Variants in SYT11 observed in about 807,000 individuals in gnomAD.
SYT11 encodes synaptotagmin-11.
In SYT11, 12 loss-of-function variants were observed where a neutral mutation model predicts 30.4. That is an observed-to-expected ratio of 0.39 (90% CI 0.25 to 0.64). The LOEUF (loss-of-function observed/expected upper bound fraction) is 0.64. SYT11 is among the 30% of genes least tolerant of loss of function. The pLI is 0.45. For missense variants in SYT11, 412 were observed against 552.0 expected (o/e 0.75, Z 2.54); for synonymous variants, 204 against 216.0 (o/e 0.94, Z 0.49).
chr1:155,863,755 T>C (rs1357776036), intron 1 of SYT11, among the ~76,000 whole-genome samples: 1 of 152,062 alleles, frequency 6.6e-6, no homozygotes, highest in Non-Finnish European at 1.5e-5. Flanking sequence ...ACCCCGTCTC[T>C]ACTAAAAATA....
At chr1:155,867,116 G>A (rs1398489380) in intron 1 of SYT11, among the ~76,000 whole-genome samples, 1 of 150,756 alleles carries the variant, frequency 6.6e-6, no homozygotes, top group Non-Finnish European at 1.5e-5. Flanking sequence ...GGAATGCAGT[G>A]GCACGATCTC....
chr1:155,866,022 C>T (rs764598145), intron 1 of SYT11, among the ~76,000 whole-genome samples: 35 of 150,674 alleles, frequency 2.3e-4, no homozygotes, highest in Non-Finnish European at 3.5e-4. Context: ...CTTGAGGGAG[C>T]GAAGAAACTT....
intron 1 of SYT11, 90 bp downstream of exon 1, chr1:155,859,885 G>C (rs1672522475): frequency 4.7e-6 from 6 of 1,270,526 alleles, no homozygotes; most frequent in Admixed American, 1.7e-5. Flanking sequence ...ATGCAGCCCA[G>C]ACCAGAGCCT....
rs1224414336 is a variant in SYT11 at position 155,881,216 on chromosome 1, A to G, written c.1004A>G (p.Asn335Ser). The G allele has an allele frequency of 1.2e-6, 2 of 1,613,524 alleles. No individual in the cohort carries two copies. Among genetic ancestry groups the G allele is most frequent in the Non-Finnish European group, 1.7e-6 (2 of 1,179,662 alleles). The change falls in exon 4 of 4, where the codon AAC (asparagine) becomes AGC (serine). Residue 335 changes from asparagine (N) to serine (S), a missense_variant. By Grantham distance (46) the Asn-to-Ser change is conservative. Coordinates refer to ENST00000368324, the MANE Select transcript of SYT11 (RefSeq NM_152280.5). Reference sequence around the variant, plus strand: ...GCCCCAGATCCTTATGTCAAGGTGAACGTCTACTACGGCAGAAAGCGCATT... The same window carrying G: ...GCCCCAGATCCTTATGTCAAGGTGAGCGTCTACTACGGCAGAAAGCGCATT... ...GLSGNPYVKVNVYYGRKRIAK... is the reference protein window; with the variant it reads ...GLSGNPYVKVSVYYGRKRIAK...
rs11337901 is a variant in SYT11 at position 155,876,964 on chromosome 1, CTT to C, written c.862-3520_862-3519del. ...CCACACCCGGCTAATTTTTCTATTT[CTT>C]TTTTTTTTTTTTTTTCCTGAGACGG... is the stretch of plus-strand genomic sequence containing the variant. On this transcript the variant is annotated intron_variant, in intron 2 of 3. Transcript: ENST00000368324. 6.1e-3 allele frequency among the ~76,000 whole-genome samples: 708 copies of C among 116,996 alleles called. 2 individuals are homozygous for C. Among genetic ancestry groups the C allele is most frequent in the African/African-American group, 6.3e-3 (202 of 31,876 alleles). The allele number at this position is 116,996 out of a possible 152,430, so 76.8% of individuals were successfully genotyped here. A position where few individuals can be genotyped will look rare whatever the true frequency, so the allele number is the denominator to read the frequency against.
At chr1:155,875,216 C>T (rs1672842368) in intron 2 of SYT11, among the ~76,000 whole-genome samples, 1 of 139,192 alleles carries the variant, frequency 7.2e-6, no homozygotes, top group Non-Finnish European at 1.5e-5. Context: ...CACCACTGCA[C>T]TCCAGCCTGT....
Position 155,883,688 on chromosome 1 carries a change from T to C in SYT11, c.*2180T>C, listed in dbSNP as rs1304952352. On this transcript the variant is annotated 3_prime_UTR_variant, in exon 4 of 4. Transcript: ENST00000368324. ...GTTGAGACTGAAGTGTTCACTTCCA[T>C]AGAAGAACATCACTTTTAACCTTGC... 6.6e-6 allele frequency: 1 copy of C among 152,188 alleles called. No individual in the cohort carries two copies. The highest frequency in any genetic ancestry group is 2.4e-5 in the African/African-American group (1 of 41,442). 9.4% of individuals were successfully genotyped at this position (152,188 alleles called of 1,614,324 possible).
intron 1 of SYT11, 116 bp from the exon 2 acceptor site, chr1:155,867,849 T>G: frequency 1.3e-6 from 1 of 794,274 alleles, no homozygotes. Flanking sequence ...GAGCACATTT[T>G]GCTTTAGAGG....
chr1:155,863,890 A>G (rs1190360573), intron 1 of SYT11, among the ~76,000 whole-genome samples: 1 of 149,778 alleles, frequency 6.7e-6, no homozygotes, highest in African/African-American at 2.5e-5. Context: ...CATTGCACTC[A>G]AGTCTGGGCA....
In SYT11 at chr1:155,859,668, A is replaced by G; in HGVS notation, c.-94A>G. ...GGATACCTTCCCCCTTCCCTGACCT[A>G]GAGCTCTACAGCTGCTGCCTCGGTA... On this transcript the variant is annotated 5_prime_UTR_variant, in exon 1 of 4. Coordinates refer to ENST00000368324, the MANE Select transcript of SYT11 (RefSeq NM_152280.5). The G allele has an allele frequency of 2.4e-6, 3 of 1,245,090 alleles. No individual in the cohort carries two copies. The South Asian group carries it at 3.6e-5, about 15-fold the overall frequency. The allele number at this position is 1,245,090 out of a possible 1,614,324, so 77.1% of individuals were successfully genotyped here.
intron 2 of SYT11, among the ~76,000 whole-genome samples, chr1:155,877,777 C>T (rs559356393): frequency 8.1e-4 from 123 of 152,048 alleles, no homozygotes; most frequent in Non-Finnish European, 1.4e-3. Context: ...AGGATGGTCT[C>T]GATCTCCTGA....
rs192002378 is a variant in SYT11 at position 155,880,794 on chromosome 1, T to C, written c.985+171T>C. On this transcript the variant is annotated intron_variant, in intron 3 of 3. Transcript: ENST00000368324. ...AGTATCTACGTCCAATAGATTTCCC[T>C]GGCTAGGAAGATTCTTCAGTTGAAC... is the stretch of plus-strand genomic sequence containing the variant. 2.0e-3 allele frequency among the ~76,000 whole-genome samples: 309 copies of C among 152,352 alleles called. 3 individuals carry two copies. Among genetic ancestry groups the C allele is most frequent in the Middle Eastern group, 0.01 (3 of 294 alleles).
intron 2 of SYT11, among the ~76,000 whole-genome samples, chr1:155,871,562 C>T (rs186974510): frequency 3.7e-4 from 56 of 152,338 alleles, no homozygotes; most frequent in African/African-American, 1.3e-3. Flanking sequence ...AAAACAGCCT[C>T]AAATCAAGGG....
intron 1 of SYT11, among the ~76,000 whole-genome samples, chr1:155,864,954 G>A (rs531209908): frequency 5.4e-4 from 82 of 151,942 alleles, no homozygotes; most frequent in Non-Finnish European, 8.1e-4. Context: ...CAGGTGATCT[G>A]CCTACCTCAG....
In SYT11 at chr1:155,860,759, A is replaced by G. The variant is rs1672566337; in HGVS notation, c.34+964A>G. Among the ~76,000 whole-genome samples, 1 of 152,214 alleles carries G rather than the reference A, an allele frequency of 6.6e-6. No homozygotes were observed. Among genetic ancestry groups the G allele is most frequent in the South Asian group, 2.1e-4 (1 of 4,832 alleles). ...TCTCTGGAGCAGAAAGTGGAGTGGA[A>G]AATAGGGAAGAAGGTGGCAAAGACA... On this transcript the variant is annotated intron_variant, in intron 1 of 3. Coordinates refer to ENST00000368324, the MANE Select transcript of SYT11 (RefSeq NM_152280.5). This position sits in a 1 kb window ranked among gnomAD's most constrained non-coding sequence, Gnocchi z 4.1.
chr1:155,873,514 A>G (rs545675111), intron 2 of SYT11, among the ~76,000 whole-genome samples: 1 of 152,380 alleles, frequency 6.6e-6, no homozygotes, highest in South Asian at 2.1e-4. Flanking sequence ...CTGCATATTT[A>G]GTATTTAGAT....
intron 2 of SYT11, among the ~76,000 whole-genome samples, chr1:155,870,401 TC>T (rs796476753): frequency 9.2e-5 from 14 of 152,352 alleles, no homozygotes; most frequent in African/African-American, 3.4e-4. Context: ...CTATTATTAG[TC>T]AAGTTTGATA....
At chr1:155,865,785 C>G (rs1218498166) in intron 1 of SYT11, among the ~76,000 whole-genome samples, 1 of 151,844 alleles carries the variant, frequency 6.6e-6, no homozygotes, top group Non-Finnish European at 1.5e-5. Flanking sequence ...TCAAGTGATC[C>G]TCTTACCTTG....
At position 155,881,358 on chromosome 1, in the gene SYT11, C is replaced by T. The variant is rs1314409627; in HGVS notation, c.1146C>T (p.Ile382=). 5.0e-6 allele frequency: 8 copies of T among 1,614,172 alleles called. No homozygotes were observed. The highest frequency in any genetic ancestry group is 3.3e-5 in the Admixed American group (2 of 60,012). The change falls in exon 4 of 4, where the codon ATC becomes ATT. Residue 382 remains isoleucine, a synonymous_variant. Coordinates refer to ENST00000368324, the MANE Select transcript of SYT11 (RefSeq NM_152280.5). ...LPDISIEFLV[I]DFDRTTKNEV... is the part of the protein sequence containing the mutation. ...ATATCAGCATCGAGTTCCTCGTTAT[C>T]GACTTCGATCGCACCACCAAGAATG...
Sources: allele counts gnomAD v4.1 joint callset (sites outside exome capture counted in the v4.1 genomes callset), GRCh38; gene constraint gnomAD v4.1.1; non-coding constraint Gnocchi (gnomAD v3.1); transcripts MANE v1.5; gene names NCBI Gene and HGNC (gene_info 2026-07-23, HGNC 2026-07-21).